PUS7: variants seen among roughly 807,000 people sequenced by gnomAD.
PUS7 encodes the protein pseudouridylate synthase 7 homolog.
A neutral mutation model predicts 79.8 loss-of-function variants in PUS7; 48 were observed. The ratio of observed to expected loss-of-function variants is 0.60; its 90% CI spans 0.48 to 0.76. The LOEUF (loss-of-function observed/expected upper bound fraction) is 0.76. Among genes scored for constraint, PUS7 ranks in the 30% least tolerant of loss-of-function variants. PUS7 has a pLI of 0.00. For missense variants in PUS7, 729 were observed against 797.6 expected, an observed-to-expected ratio of 0.91 and a Z score of 1.04; for synonymous variants, 286 against 272.2, an observed-to-expected ratio of 1.05 and a Z score of -0.50.
intron 9 of PUS7, among the ~76,000 whole-genome samples, 166 bp downstream of exon 9, chr7:105,480,886 C>T (rs1281786600): frequency 1.3e-5 from 2 of 152,078 alleles, no homozygotes; most frequent in African/African-American, 2.4e-5. Flanking sequence ...TTTTGAACTC[C>T]GATTTTTTAC....
At chr7:105,462,442 A>AG (rs111672714) in intron 14 of PUS7, 179 bp downstream of exon 14, 2 of 557,272 alleles carry the variant, frequency 3.6e-6, no homozygotes, top group African/African-American at 6.1e-5. Context: ...AAAAAAAACC[A>AG]AAAAAAAAAC....
At chr7:105,507,192 C>T (rs143662042) in intron 2 of PUS7, among the ~76,000 whole-genome samples, 20,873 of 151,902 alleles carry the variant, frequency 0.14, 1,855 homozygotes, top group South Asian at 0.26. Flanking sequence ...ATTACAGGCG[C>T]GTGCCACTAC....
chr7:105,460,843 G>T (rs1376776184), intron 14 of PUS7, among the ~76,000 whole-genome samples: 1 of 91,446 alleles, frequency 1.1e-5, no homozygotes, highest in Non-Finnish European at 2.0e-5. Context: ...GACAGAGCGA[G>T]ACTCCGTCTC....
intron 1 of PUS7, among the ~76,000 whole-genome samples, chr7:105,519,311 G>A (rs965868296): frequency 2.6e-5 from 4 of 151,328 alleles, no homozygotes; most frequent in African/African-American, 7.3e-5. Context: ...TCGGCTCACC[G>A]CAATCTCCAC....
At chr7:105,490,248 C>T (rs1824728022) in intron 7 of PUS7, among the ~76,000 whole-genome samples, 1 of 151,942 alleles carries the variant, frequency 6.6e-6, no homozygotes, top group South Asian at 2.1e-4. Context: ...CAAGTTTTGA[C>T]ATGTGTATAA....
At position 105,478,778 on chromosome 7, in the gene PUS7, G is replaced by A. The variant is rs111602003; in HGVS notation, c.1175+2274C>T. Among the ~76,000 whole-genome samples, 237 of 152,306 alleles carry A rather than the reference G, an allele frequency of 1.6e-3. 2 individuals are homozygous for A. The highest frequency in any genetic ancestry group is 5.3e-3 in the African/African-American group (219 of 41,566). ...GGAAATTCTATGGTGTTAACAGTGC[G>A]TTTCCTTGAAAGCAGGAAATATTCT... On this transcript the variant is annotated intron_variant, in intron 9 of 15. Transcript: ENST00000469408.
chr7:105,491,244 A>G (rs1293189545), intron 7 of PUS7, among the ~76,000 whole-genome samples: 2 of 152,230 alleles, frequency 1.3e-5, no homozygotes, highest in Non-Finnish European at 2.9e-5. Flanking sequence ...TCGGGTGTAC[A>G]ACAAAACAGC....
In PUS7 at chr7:105,457,623, C is replaced by A. The variant is rs148724875; in HGVS notation, c.*167G>T. 2.5e-5 allele frequency: 15 copies of A among 601,740 alleles called. No homozygotes were observed. Among genetic ancestry groups the A allele is most frequent in the Non-Finnish European group, 3.6e-5 (14 of 384,244 alleles). 37.3% of individuals were successfully genotyped at this position (601,740 alleles called of 1,614,324 possible). On this transcript the variant is annotated 3_prime_UTR_variant, in exon 16 of 16. Coordinates refer to ENST00000469408, the MANE Select transcript of PUS7 (RefSeq NM_019042.5). ...GAACCTCAGGATTTGTGTACATGTA[C>A]AAATATTGCAAATTATTTCTTTAAG...
intron 13 of PUS7, among the ~76,000 whole-genome samples, chr7:105,464,033 T>C (rs73190105): frequency 0.18 from 27,342 of 152,144 alleles, 3,177 homozygotes; most frequent in Non-Finnish European, 0.26. Flanking sequence ...CAGGTATGCA[T>C]GTGTTACATA....
intron 9 of PUS7, among the ~76,000 whole-genome samples, chr7:105,478,883 G>A (rs976271462): frequency 1.3e-5 from 2 of 152,152 alleles, no homozygotes; most frequent in Admixed American, 6.5e-5. Flanking sequence ...TTTGTTGTGG[G>A]ATAAATTTGA....
At position 105,458,908 on chromosome 7, in the gene PUS7, G is replaced by C. The variant is rs114991285; in HGVS notation, c.1849+260C>G. ...CTTCCTGAATTTTCACTCACCTTTG[G>C]TAAGTCTCTGTGGGGGATGGGGAGA... On this transcript the variant is annotated intron_variant, in intron 15 of 15. Transcript: ENST00000469408. 8.0e-3 allele frequency among the ~76,000 whole-genome samples: 1,211 copies of C among 152,152 alleles called. 22 individuals are homozygous for C. Among genetic ancestry groups the C allele is most frequent in the African/African-American group, 0.028 (1,159 of 41,512 alleles).
Position 105,508,192 on chromosome 7 carries a change from A to G in PUS7, c.321T>C (p.His107=). 6.2e-7 allele frequency: 1 copy of G among 1,614,150 alleles called. No homozygotes were observed. The highest frequency in any genetic ancestry group is 8.5e-7 in the Non-Finnish European group (1 of 1,180,016). Residue 107 remains histidine, a synonymous_variant, in exon 2 of 16, where the codon CAT becomes CAC. Transcript: ENST00000469408. ...ESESFADMMK[H]GLTEADVGIT... is the part of the protein sequence containing the mutation. ...TGCCTACGTCAGCCTCAGTGAGTCC[A>G]TGCTTCATCATGTCTGCAAAACTCT...
chr7:105,508,292 G>A lies in PUS7; in HGVS notation c.221C>T (p.Ser74Phe), dbSNP rs1374937402. 1.2e-6 allele frequency: 2 copies of A among 1,614,078 alleles called. No homozygotes were observed. Among genetic ancestry groups the A allele is most frequent in the Non-Finnish European group, 1.7e-6 (2 of 1,180,024 alleles). Residue 74 changes from serine to phenylalanine, a missense_variant, in exon 2 of 16, where the codon TCT becomes TTT. Physicochemically the swap from Ser to Phe is radical, Grantham distance 155. Coordinates refer to ENST00000469408, the MANE Select transcript of PUS7 (RefSeq NM_019042.5). ...TTCCTCATCTTCCAACTGAGCCTCA[G>A]AATTCTTTCCACCTTTCCCAGTACT... ...TVSTGKGGKN[S>F]EAQLEDEEEE...
intron 1 of PUS7, among the ~76,000 whole-genome samples, chr7:105,519,718 A>C (rs1826031789): frequency 6.6e-6 from 1 of 152,222 alleles, no homozygotes; most frequent in Non-Finnish European, 1.5e-5. Flanking sequence ...AATATATCTG[A>C]GAACAAAATA....
Position 105,462,706 on chromosome 7 carries a change from T to C in PUS7, c.1672A>G (p.Ile558Val). The change falls in exon 14 of 16, where the codon ATT (isoleucine) becomes GTT (valine). Residue 558 changes from isoleucine (I) to valine (V), a missense_variant. Physicochemically the swap from Ile to Val is conservative, Grantham distance 29. Coordinates refer to ENST00000469408, the MANE Select transcript of PUS7 (RefSeq NM_019042.5). ...REMLTADNLD[I>V]DNMRHKIRDY... ...CGAATTTTGTGTCTCATGTTGTCAA[T>C]ATCAAGATTGTCAGCTGTGAGCATT... 1 of 1,613,774 alleles carries C rather than the reference T, an allele frequency of 6.2e-7. No homozygotes were observed. The highest frequency in any genetic ancestry group is 8.5e-7 in the Non-Finnish European group (1 of 1,179,906).
intron 5 of PUS7, among the ~76,000 whole-genome samples, chr7:105,498,570 T>A (rs1825126848): frequency 6.6e-6 from 1 of 152,166 alleles, no homozygotes; most frequent in Non-Finnish European, 1.5e-5. Context: ...GACATCTCCA[T>A]GAATAAAGAA....
rs112965329 is a variant in PUS7 at position 105,480,839 on chromosome 7, A to G, written c.1175+213T>C. Among the ~76,000 whole-genome samples, 478 of 152,228 alleles carry G rather than the reference A, an allele frequency of 3.1e-3. 1 individual carries two copies. The highest frequency in any genetic ancestry group is 0.011 in the African/African-American group (463 of 41,568). ...AAATAGAACCCCTGGATGGGTAACC[A>G]AGAGTGGTAGGAAAGCTCACTTTTC... is the stretch of plus-strand genomic sequence containing the variant. On this transcript the variant is annotated intron_variant, in intron 9 of 15. Transcript: ENST00000469408.
At chr7:105,480,920 C>G in intron 9 of PUS7, 132 bp downstream of exon 9, 1 of 1,137,664 alleles carries the variant, frequency 8.8e-7, no homozygotes, top group Admixed American at 2.9e-5. Context: ...TAACTTAAAA[C>G]AAAAATCATG....
At chr7:105,458,625 T>C (rs913191344) in intron 15 of PUS7, among the ~76,000 whole-genome samples, 1 of 145,476 alleles carries the variant, frequency 6.9e-6, no homozygotes, top group African/African-American at 2.6e-5. Flanking sequence ...CAGGCTGGAG[T>C]GCAGTGGCGT....
Sources: allele counts gnomAD v4.1 joint callset (sites outside exome capture counted in the v4.1 genomes callset), GRCh38; gene constraint gnomAD v4.1.1; transcripts MANE v1.5; gene names NCBI Gene and HGNC (gene_info 2026-07-23, HGNC 2026-07-21).